SLC24A2: variants seen among roughly 807,000 people sequenced by gnomAD.
The protein encoded by SLC24A2 is solute carrier family 24 member 2.
Under a neutral mutation model 62.0 loss-of-function variants are expected in SLC24A2, and 36 were observed. The observed-to-expected ratio is 0.58, with a 90% CI of 0.44 to 0.77. The LOEUF (loss-of-function observed/expected upper bound fraction) is 0.77, where lower values mean the gene tolerates loss of function less well. Ranked by LOEUF, SLC24A2 falls within the 30% of genes least tolerant of loss-of-function variation. The pLI, the probability that SLC24A2 is intolerant of heterozygous loss-of-function variation, is 0.00. For missense variants in SLC24A2, 846 were observed against 817.9 expected (o/e 1.03, Z -0.42); for synonymous variants, 358 against 294.0 (o/e 1.22, Z -2.23).
At chr9:19,880,554 G>T in the SLC24A2 span, among the ~76,000 whole-genome samples, 1 of 152,164 alleles carries the variant, frequency 6.6e-6, no homozygotes, top group Non-Finnish European at 1.5e-5. Context: ...TGAAAATCTA[G>T]GTGAGAGAAG....
the SLC24A2 span, among the ~76,000 whole-genome samples, chr9:20,031,654 G>A: frequency 1.3e-5 from 2 of 151,948 alleles, no homozygotes; most frequent in Non-Finnish European, 2.9e-5. Flanking sequence ...AGCTGTAAAA[G>A]GTGTCACTAC....
the SLC24A2 span, among the ~76,000 whole-genome samples, chr9:20,250,168 G>A: frequency 6.6e-6 from 1 of 152,184 alleles, no homozygotes; most frequent in Non-Finnish European, 1.5e-5. Flanking sequence ...TGTAGATAGG[G>A]AAAGGATCAC....
intron 2 of SLC24A2, among the ~76,000 whole-genome samples, chr9:19,749,836 C>T (rs1036039060): frequency 2.6e-5 from 4 of 152,198 alleles, no homozygotes; most frequent in African/African-American, 4.8e-5. Flanking sequence ...CATATGCTCA[C>T]AACTGGGACT....
the SLC24A2 span, among the ~76,000 whole-genome samples, chr9:20,034,451 G>GTTTTTT: frequency 7.2e-5 from 6 of 83,180 alleles, no homozygotes; most frequent in Non-Finnish European, 1.1e-4. Context: ...GGCCTTTTAA[G>GTTTTTT]TTTTTTTTTT....
the SLC24A2 span, among the ~76,000 whole-genome samples, chr9:20,221,406 C>T: frequency 6.6e-6 from 1 of 151,548 alleles, no homozygotes; most frequent in East Asian, 1.9e-4. Context: ...AAGAAAGTTA[C>T]CATGAAAGAA....
the SLC24A2 span, among the ~76,000 whole-genome samples, chr9:20,058,544 T>G: frequency 2.7e-5 from 4 of 150,390 alleles, no homozygotes; most frequent in African/African-American, 7.4e-5. Flanking sequence ...AGACTCAGAT[T>G]TTTTCTACAG....
At chr9:20,284,748 G>C in the SLC24A2 span, among the ~76,000 whole-genome samples, 16 of 152,118 alleles carry the variant, frequency 1.1e-4, no homozygotes, top group Non-Finnish European at 1.9e-4. Context: ...ATTTCAAGGA[G>C]CCAGATGAAA....
At chr9:20,076,192 G>C in the SLC24A2 span, among the ~76,000 whole-genome samples, 6 of 152,174 alleles carry the variant, frequency 3.9e-5, no homozygotes. Flanking sequence ...AAAAATTCAA[G>C]ACTGAGCAAA....
chr9:19,948,178 T>C, the SLC24A2 span, among the ~76,000 whole-genome samples: 1 of 152,212 alleles, frequency 6.6e-6, no homozygotes, highest in Non-Finnish European at 1.5e-5. Flanking sequence ...ACTACCACAG[T>C]TCCTTGCAAT....
the SLC24A2 span, among the ~76,000 whole-genome samples, chr9:20,070,895 G>A: frequency 2.6e-5 from 4 of 152,198 alleles, no homozygotes; most frequent in Non-Finnish European, 2.9e-5. Flanking sequence ...CAAATCTCAT[G>A]TCAAACTGTA....
At chr9:20,031,721 G>T in the SLC24A2 span, among the ~76,000 whole-genome samples, 1 of 152,054 alleles carries the variant, frequency 6.6e-6, no homozygotes, top group Admixed American at 6.5e-5. Flanking sequence ...AGGTCCCCAG[G>T]GATAGAACTC....
At chr9:20,054,169 T>TTTTTC in the SLC24A2 span, among the ~76,000 whole-genome samples, 4 of 152,060 alleles carry the variant, frequency 2.6e-5, no homozygotes, top group East Asian at 5.8e-4. Context: ...TTCTTTTTTC[T>TTTTTC]TTTTCTTTTC....
chr9:19,897,629 T>C, the SLC24A2 span, among the ~76,000 whole-genome samples: 3 of 152,232 alleles, frequency 2.0e-5, no homozygotes, highest in African/African-American at 7.2e-5. Flanking sequence ...TTAAAGTTTA[T>C]TATTAAATAG....
chr9:19,969,183 C>CCACACACACACACACACACACACACACA, the SLC24A2 span, among the ~76,000 whole-genome samples: 2 of 122,182 alleles, frequency 1.6e-5, no homozygotes, highest in East Asian at 2.5e-4. Flanking sequence ...ACCTCCTTTG[C>CCACACACACACACACACACACACACACA]CACACACACA....
chr9:20,245,239 C>G, the SLC24A2 span, among the ~76,000 whole-genome samples: 1 of 152,056 alleles, frequency 6.6e-6, no homozygotes, highest in African/African-American at 2.4e-5. Context: ...TGATTAATAC[C>G]AAGTGACAGG....
chr9:20,248,304 C>T, the SLC24A2 span, among the ~76,000 whole-genome samples: 20 of 152,164 alleles, frequency 1.3e-4, no homozygotes, highest in African/African-American at 4.3e-4. Context: ...CTAACAGGTA[C>T]TAAAGAAAGA....
the SLC24A2 span, among the ~76,000 whole-genome samples, chr9:19,970,750 A>G: frequency 6.6e-6 from 1 of 152,300 alleles, no homozygotes; most frequent in Middle Eastern, 3.4e-3. Flanking sequence ...CTCCATTTTC[A>G]GTTAGTAGGA....
intron 2 of SLC24A2, among the ~76,000 whole-genome samples, chr9:19,760,980 T>C (rs1246864857): frequency 6.6e-6 from 1 of 151,868 alleles, no homozygotes; most frequent in African/African-American, 2.4e-5. Context: ...AGTTAAGGAG[T>C]GCATCACACC....
chr9:20,064,674 C>T, the SLC24A2 span, among the ~76,000 whole-genome samples: 2 of 152,188 alleles, frequency 1.3e-5, no homozygotes, highest in South Asian at 2.1e-4. Context: ...TGATAATTGT[C>T]CTTTACTGCA....
Sources: gnomAD v4.1 joint callset for allele counts (sites outside exome capture counted in the v4.1 genomes callset) on GRCh38, gnomAD v4.1.1 for gene constraint, MANE v1.5 for transcripts, NCBI Gene and HGNC (gene_info 2026-07-23, HGNC 2026-07-21) for gene names.